PCED1B: variants seen among roughly 807,000 people sequenced by gnomAD.
PCED1B encodes PC-esterase domain containing 1B.
For synonymous variants in PCED1B, 251 were observed against 246.1 expected (o/e 1.02, Z -0.19); for missense variants, 573 against 573.9 (o/e 1.00, Z 0.02).
At chr12:47,177,410 T>TGAC (rs1941957420) in intron 2 of PCED1B, among the ~76,000 whole-genome samples, 1 of 152,214 alleles carries the variant, frequency 6.6e-6, no homozygotes. Flanking sequence ...ATGGGGTGAC[T>TGAC]GACACATTCA....
intron 1 of PCED1B, among the ~76,000 whole-genome samples, chr12:47,100,523 C>T (rs1339709347): frequency 6.6e-6 from 1 of 152,138 alleles, no homozygotes; most frequent in Non-Finnish European, 1.5e-5. Context: ...ACAGGTAATA[C>T]AGTAAAGCTA....
chr12:47,222,422 CAAAAA>C (rs750444043), intron 3 of PCED1B, among the ~76,000 whole-genome samples: 7 of 81,606 alleles, frequency 8.6e-5, no homozygotes, highest in South Asian at 4.8e-4. Flanking sequence ...AACTCCATCT[CAAAAA>C]AAAAAAAAAA....
At chr12:47,097,235 T>A (rs1938516979) in intron 1 of PCED1B, among the ~76,000 whole-genome samples, 1 of 152,196 alleles carries the variant, frequency 6.6e-6, no homozygotes, top group Non-Finnish European at 1.5e-5. Flanking sequence ...AACTCATATG[T>A]CTATAAAGAT....
intron 2 of PCED1B, among the ~76,000 whole-genome samples, chr12:47,185,081 C>T (rs1942212324): frequency 6.6e-6 from 1 of 152,130 alleles, no homozygotes; most frequent in Admixed American, 6.5e-5. Flanking sequence ...CTCATAGTCA[C>T]AAGATGTTGC....
At chr12:47,163,373 T>G (rs933501366) in intron 2 of PCED1B, among the ~76,000 whole-genome samples, 13 of 152,200 alleles carry the variant, frequency 8.5e-5, no homozygotes, top group African/African-American at 2.9e-4. Flanking sequence ...CAATTCTACT[T>G]TTTTCTTTCT....
intron 2 of PCED1B, among the ~76,000 whole-genome samples, chr12:47,191,667 G>A (rs1171839871): frequency 6.6e-6 from 1 of 152,196 alleles, no homozygotes; most frequent in East Asian, 1.9e-4. Context: ...AGCCCAGGTT[G>A]CAAAATAGAT....
chr12:47,103,310 GA>G (rs1179429755), intron 1 of PCED1B, among the ~76,000 whole-genome samples: 34 of 152,258 alleles, frequency 2.2e-4, no homozygotes, highest in South Asian at 2.1e-3. Flanking sequence ...TCTTGGAAGA[GA>G]ACAGGGCAAG....
chr12:47,197,257 A>T (rs1942632674), intron 2 of PCED1B, among the ~76,000 whole-genome samples: 1 of 150,836 alleles, frequency 6.6e-6, no homozygotes, highest in Admixed American at 6.6e-5. Flanking sequence ...AAAAAAAAAA[A>T]AAAAGATATA....
intron 2 of PCED1B, among the ~76,000 whole-genome samples, chr12:47,108,500 G>A (rs746085635): frequency 3.9e-5 from 6 of 152,084 alleles, no homozygotes; most frequent in Non-Finnish European, 5.9e-5. Context: ...CCACATCTTC[G>A]CCAGGCTTGT....
At chr12:47,129,229 T>C (rs538815972) in intron 2 of PCED1B, among the ~76,000 whole-genome samples, 1 of 152,306 alleles carries the variant, frequency 6.6e-6, no homozygotes, top group Admixed American at 6.5e-5. Flanking sequence ...TCCCAACACT[T>C]TGGGAGGCTG....
At chr12:47,188,346 T>C (rs1180686061) in intron 2 of PCED1B, among the ~76,000 whole-genome samples, 1 of 152,164 alleles carries the variant, frequency 6.6e-6, no homozygotes, top group Non-Finnish European at 1.5e-5. Context: ...AAAAGCCCTA[T>C]AGGGACAAGA....
chr12:47,152,828 G>A (rs1295976693), intron 2 of PCED1B, among the ~76,000 whole-genome samples: 3 of 152,066 alleles, frequency 2.0e-5, no homozygotes, highest in African/African-American at 7.2e-5. Context: ...CCAGCTACTT[G>A]GGAGGCTGAG....
chr12:47,151,317 C>G (rs184053625), intron 2 of PCED1B, among the ~76,000 whole-genome samples: 7 of 152,240 alleles, frequency 4.6e-5, no homozygotes, highest in Admixed American at 4.6e-4. Context: ...TTGTATTACA[C>G]TTGCCTACAG....
chr12:47,119,025 G>A (rs1179090307), intron 2 of PCED1B, among the ~76,000 whole-genome samples: 2 of 152,024 alleles, frequency 1.3e-5, no homozygotes, highest in Non-Finnish European at 1.5e-5. Context: ...ATTGGTACTG[G>A]CATAAGGATA....
At chr12:47,116,735 C>T (rs1009913418) in intron 2 of PCED1B, among the ~76,000 whole-genome samples, 4 of 151,866 alleles carry the variant, frequency 2.6e-5, no homozygotes, top group Non-Finnish European at 4.4e-5. Context: ...TTAATTTTTT[C>T]TTTATTCAGA....
chr12:47,229,112 T>C (rs1324136069), intron 3 of PCED1B, among the ~76,000 whole-genome samples: 1 of 151,662 alleles, frequency 6.6e-6, no homozygotes, highest in Non-Finnish European at 1.5e-5. Context: ...TCCAAAATGC[T>C]TGGAATAAAA....
At chr12:47,186,270 C>A (rs1942263382) in intron 2 of PCED1B, among the ~76,000 whole-genome samples, 1 of 145,668 alleles carries the variant, frequency 6.9e-6, no homozygotes, top group African/African-American at 2.5e-5. Context: ...GAGCAAAGAA[C>A]AATAATTTTG....
In PCED1B at chr12:47,235,354, G is replaced by A. The variant is rs199679967; in HGVS notation, c.291G>A (p.Val97=). ...HLVRFYFLTR[V]YSDYLQTILK... is the part of the protein sequence containing the mutation. ...TACGTTTTTACTTCCTCACCCGCGT[G>A]TACTCCGATTACCTCCAGACCATCT... The change falls in exon 4 of 4, where the codon GTG becomes GTA. Residue 97 remains valine, a synonymous_variant. Transcript: ENST00000546455. 1.2e-5 allele frequency: 19 copies of A among 1,614,140 alleles called. No homozygotes were observed. The East Asian group carries it at 3.6e-4, about 30-fold the overall frequency.
chr12:47,124,787 C>T (rs1939821129), intron 2 of PCED1B, among the ~76,000 whole-genome samples: 1 of 151,952 alleles, frequency 6.6e-6, no homozygotes, highest in Non-Finnish European at 1.5e-5. Flanking sequence ...AGCAAACTGT[C>T]ATGTCCTTAT....
Sources: gnomAD v4.1 joint callset for allele counts (sites outside exome capture counted in the v4.1 genomes callset) on GRCh38, gnomAD v4.1.1 for gene constraint, MANE v1.5 for transcripts, NCBI Gene and HGNC (gene_info 2026-07-23, HGNC 2026-07-21) for gene names.